Variants in DAB1 observed in about 807,000 individuals in gnomAD.
DAB1 encodes disabled homolog 1.
Under a neutral mutation model 64.6 loss-of-function variants are expected in DAB1, and 15 were observed. The observed-to-expected ratio is 0.23, with a 90% CI of 0.16 to 0.36. The LOEUF (loss-of-function observed/expected upper bound fraction) is 0.36. DAB1 is among the 10% of genes least tolerant of loss of function. The pLI is 1.00. For synonymous variants in DAB1, 235 were observed against 251.9 expected (o/e 0.93, Z 0.64); for missense variants, 596 against 706.7 (o/e 0.84, Z 1.78).
At chr1:58,388,201 G>T (rs1447645427) in intron 3 of DAB1, among the ~76,000 whole-genome samples, 1 of 152,048 alleles carries the variant, frequency 6.6e-6, no homozygotes, top group Non-Finnish European at 1.5e-5. Flanking sequence ...CTATATTTTG[G>T]GGTATCATTT....
intron 7 of DAB1, among the ~76,000 whole-genome samples, chr1:57,462,663 C>G (rs1404065166): frequency 1.3e-5 from 2 of 152,114 alleles, no homozygotes; most frequent in Non-Finnish European, 2.9e-5. Flanking sequence ...AATGAAGAAA[C>G]AGAAGCACAG....
intron 4 of DAB1, among the ~76,000 whole-genome samples, chr1:58,315,992 AAAGTTTGG>A (rs1662550631): frequency 6.6e-6 from 1 of 152,234 alleles, no homozygotes; most frequent in Non-Finnish European, 1.5e-5. Context: ...CCAAAGAGCC[AAAGTTTGG>A]AATCAAAAAG....
chr1:58,413,494 C>T (rs1644689053), intron 3 of DAB1, among the ~76,000 whole-genome samples: 1 of 152,154 alleles, frequency 6.6e-6, no homozygotes, highest in Non-Finnish European at 1.5e-5. Context: ...AGCCCATGCT[C>T]TTATCCATCA....
intron 2 of DAB1, among the ~76,000 whole-genome samples, chr1:57,214,599 CTTTCTG>C (rs1666267239): frequency 6.6e-6 from 1 of 152,116 alleles, no homozygotes; most frequent in Non-Finnish European, 1.5e-5. Context: ...AGGGAGCACA[CTTTCTG>C]TTTCACCTTA....
At chr1:57,567,362 G>A (rs1320968106) in intron 7 of DAB1, among the ~76,000 whole-genome samples, 6 of 152,088 alleles carry the variant, frequency 3.9e-5, no homozygotes, top group Admixed American at 1.3e-4. Context: ...TTTGAAAACT[G>A]GCACAAGACA....
chr1:57,589,919 G>T (rs1265630029), intron 7 of DAB1, among the ~76,000 whole-genome samples: 4 of 152,104 alleles, frequency 2.6e-5, no homozygotes, highest in African/African-American at 7.2e-5. Context: ...CAGTATAGGA[G>T]ATAAATAGAC....
chr1:57,328,932 G>A (rs1469929262), intron 1 of DAB1, among the ~76,000 whole-genome samples: 2 of 152,208 alleles, frequency 1.3e-5, no homozygotes, highest in Admixed American at 1.3e-4. Context: ...ATTCGTAGTA[G>A]TATTAATCTA....
intron 4 of DAB1, among the ~76,000 whole-genome samples, chr1:58,150,947 G>GT (rs1557672596): frequency 6.6e-6 from 1 of 152,050 alleles, no homozygotes; most frequent in South Asian, 2.1e-4. Context: ...GCGGTATTTG[G>GT]TTTTTTGTCC....
chr1:58,306,758 C>A (rs1352993788), intron 4 of DAB1, among the ~76,000 whole-genome samples: 1 of 152,220 alleles, frequency 6.6e-6, no homozygotes, highest in Non-Finnish European at 1.5e-5. Context: ...CCAGCAGAAT[C>A]AGGCCCACCT....
chr1:57,268,428 G>T (rs1020294948), intron 2 of DAB1, among the ~76,000 whole-genome samples: 1 of 152,192 alleles, frequency 6.6e-6, no homozygotes, highest in East Asian at 1.9e-4. Flanking sequence ...AGAAAATCCA[G>T]ATAACTCTTT....
chr1:57,265,259 T>C (rs1201102699), intron 2 of DAB1, among the ~76,000 whole-genome samples: 1 of 152,196 alleles, frequency 6.6e-6, no homozygotes, highest in African/African-American at 2.4e-5. Context: ...GCCATCCATG[T>C]TTCTCATTTT....
chr1:57,064,415 C>A (rs1270920439), intron 8 of DAB1, among the ~76,000 whole-genome samples: 1 of 152,138 alleles, frequency 6.6e-6, no homozygotes, highest in East Asian at 1.9e-4. Flanking sequence ...TTCCTATGTG[C>A]CAGGCGCTGT....
At chr1:57,881,434 A>G (rs983769026) in intron 1 of DAB1, among the ~76,000 whole-genome samples, 2 of 152,222 alleles carry the variant, frequency 1.3e-5, no homozygotes, top group Admixed American at 1.3e-4. Flanking sequence ...AAACAGAAGG[A>G]AAGAATTAGC....
chr1:58,023,994 G>A lies in DAB1; in HGVS notation n.387+126517C>T, dbSNP rs904696534. On this transcript the variant is annotated intron_variant and non_coding_transcript_variant, in intron 5 of 20. Coordinates refer to the DAB1 transcript ENST00000485760. ...CAACTGTCAAACCCAGCCTCTTCTT[G>A]CTTTCTGCTGCGTAATTTATCCTTG... 2.6e-5 allele frequency among the ~76,000 whole-genome samples: 4 copies of A among 152,150 alleles called. No homozygotes were observed. In the East Asian group the frequency reaches 5.8e-4, roughly 22 times the overall value.
chr1:58,545,779 T>C (rs562724937), intron 1 of DAB1, among the ~76,000 whole-genome samples: 2 of 152,208 alleles, frequency 1.3e-5, no homozygotes, highest in African/African-American at 2.4e-5. Flanking sequence ...CTAGTTTCTA[T>C]GGAAACAGCT....
In DAB1 at chr1:58,119,233, T is replaced by C. The variant is rs561617470; in HGVS notation, n.387+31278A>G. 2.3e-3 allele frequency among the ~76,000 whole-genome samples: 353 copies of C among 151,520 alleles called. 3 individuals are homozygous for C. Among genetic ancestry groups the C allele is most frequent in the African/African-American group, 8.1e-3 (334 of 41,352 alleles). On this transcript the variant is annotated intron_variant and non_coding_transcript_variant, in intron 5 of 20. Transcript: ENST00000485760. Reference sequence around the variant, plus strand: ...AATATTGTGTGTGTGTGCGTGTGTGTGTGTGTGTGTGTGTGTGTGTGTATG... The same window carrying C: ...AATATTGTGTGTGTGTGCGTGTGTGCGTGTGTGTGTGTGTGTGTGTGTATG...
intron 4 of DAB1, among the ~76,000 whole-genome samples, chr1:57,104,249 C>T (rs139638745): frequency 1.3e-4 from 20 of 152,166 alleles, no homozygotes; most frequent in Admixed American, 4.6e-4. Flanking sequence ...CCTCACTGAA[C>T]AGGACATAGA....
intron 5 of DAB1, among the ~76,000 whole-genome samples, chr1:58,096,625 T>C (rs1301962777): frequency 1.3e-5 from 2 of 152,222 alleles, no homozygotes; most frequent in Non-Finnish European, 1.5e-5. Flanking sequence ...ACTTGCCCCA[T>C]AACATATACC....
Position 57,145,402 on chromosome 1 carries a change from A to C in DAB1, c.95T>G (p.Ile32Arg). 1 of 1,614,052 alleles carries C rather than the reference A, an allele frequency of 6.2e-7. No homozygotes were observed. The highest frequency in any genetic ancestry group is 2.2e-5 in the East Asian group (1 of 44,852). ...GACCCCTTCACCTTTAAACCTCTTT[A>C]TCAAAGTGGCTTCACTGCGATCCTG... The part of the protein sequence containing the change: ...KGQDRSEATL[I>R]KRFKGEGVRY... Residue 32 changes from isoleucine (I) to arginine (R), a missense_variant, in exon 3 of 15, where the codon ATA becomes AGA. Transcript: ENST00000371236.
Sources: allele counts gnomAD v4.1 joint callset (sites outside exome capture counted in the v4.1 genomes callset), GRCh38; gene constraint gnomAD v4.1.1; transcripts MANE v1.5; gene names NCBI Gene and HGNC (gene_info 2026-07-23, HGNC 2026-07-21).